Variants in DCBLD1 observed in about 807,000 individuals in gnomAD.
DCBLD1 encodes discoidin, CUB and LCCL domain containing 1, also known as discoidin, CUB and LCCL domain-containing protein 1.
In DCBLD1, 57 loss-of-function variants were observed where a neutral mutation model predicts 71.5. The ratio of observed to expected loss-of-function variants is 0.80; its 90% CI spans 0.64 to 0.99. The LOEUF is 0.99. Ranked by LOEUF, DCBLD1 falls within the 50% of genes least tolerant of loss-of-function variation. DCBLD1 has a pLI of 0.00. For synonymous variants in DCBLD1, 380 were observed against 363.8 expected (o/e 1.04, Z -0.51); for missense variants, 891 against 923.5 (o/e 0.96, Z 0.46).
intron 1 of DCBLD1, among the ~76,000 whole-genome samples, chr6:117,499,684 A>C (rs1187002961): frequency 6.6e-6 from 1 of 152,182 alleles, no homozygotes; most frequent in African/African-American, 2.4e-5. Context: ...ACCATATCAC[A>C]ACCAGGATAC....
chr6:117,537,959 TTTG>T (rs556402645), intron 7 of DCBLD1, among the ~76,000 whole-genome samples: 140 of 152,276 alleles, frequency 9.2e-4, no homozygotes, highest in African/African-American at 3.3e-3. Flanking sequence ...TTGCAATTGG[TTTG>T]TTATTATTTT....
intron 7 of DCBLD1, among the ~76,000 whole-genome samples, chr6:117,537,515 C>A (rs1408242796): frequency 1.4e-5 from 2 of 142,062 alleles, no homozygotes; most frequent in African/African-American, 2.6e-5. Context: ...GCCTGGGTAA[C>A]AGAGCGAGAC....
chr6:117,490,832 C>T (rs922062102), intron 1 of DCBLD1, among the ~76,000 whole-genome samples: 3 of 152,052 alleles, frequency 2.0e-5, no homozygotes, highest in African/African-American at 7.2e-5. Flanking sequence ...AATTAAAATC[C>T]TTGCAAACTA....
intron 6 of DCBLD1, among the ~76,000 whole-genome samples, chr6:117,536,441 C>A (rs1778883830): frequency 6.6e-6 from 1 of 152,170 alleles, no homozygotes; most frequent in Non-Finnish European, 1.5e-5. Context: ...ATTCCTGTGG[C>A]CTTAGGAATG....
intron 9 of DCBLD1, 200 bp downstream of exon 9, chr6:117,539,579 C>T (rs1779019671): frequency 6.5e-6 from 3 of 462,074 alleles, no homozygotes; most frequent in African/African-American, 2.1e-5. Context: ...TAGCAAGACC[C>T]CACCACTACA....
chr6:117,496,982 A>T (rs1427489118), intron 1 of DCBLD1, among the ~76,000 whole-genome samples: 4 of 152,234 alleles, frequency 2.6e-5, no homozygotes, highest in Non-Finnish European at 1.5e-5. Context: ...TAATTTTAAA[A>T]AAGCTTGAGG....
rs978039272 is a variant in DCBLD1, at chr6:117,488,136, A to C, written c.112+5243A>C. 2.0e-5 allele frequency among the ~76,000 whole-genome samples: 3 copies of C among 152,230 alleles called. No homozygotes were observed. In the South Asian group the frequency reaches 6.2e-4, roughly 32 times the overall value. On this transcript the variant is annotated intron_variant, in intron 1 of 14. Coordinates refer to ENST00000338728, the MANE Select transcript of DCBLD1 (RefSeq NM_001366458.2). Reference sequence around the variant, plus strand: ...AGGATTCCCTAAGATCCATGAAAGCAGAGATGAATCTCAGCCTCTTCTTTC... The same window carrying C: ...AGGATTCCCTAAGATCCATGAAAGCCGAGATGAATCTCAGCCTCTTCTTTC...
At chr6:117,514,361 T>G (rs1778121888) in intron 2 of DCBLD1, among the ~76,000 whole-genome samples, 1 of 152,114 alleles carries the variant, frequency 6.6e-6, no homozygotes, top group Non-Finnish European at 1.5e-5. Context: ...CCCAGCACTT[T>G]GAGGAGGCTG....
At chr6:117,547,266 C>T (rs1026947551) in intron 14 of DCBLD1, among the ~76,000 whole-genome samples, 1 of 152,200 alleles carries the variant, frequency 6.6e-6, no homozygotes, top group Non-Finnish European at 1.5e-5. Context: ...CGTTCGAATC[C>T]TACTCCATCG....
intron 2 of DCBLD1, among the ~76,000 whole-genome samples, chr6:117,514,591 C>CA (rs59209418): frequency 0.082 from 8,930 of 109,034 alleles, 402 homozygotes; most frequent in East Asian, 0.23. Flanking sequence ...GACCCTGTCT[C>CA]AAAAAAAAAA....
At chr6:117,533,589 A>G (rs1583017842) in intron 6 of DCBLD1, among the ~76,000 whole-genome samples, 1 of 152,286 alleles carries the variant, frequency 6.6e-6, no homozygotes, top group Middle Eastern at 3.4e-3. Context: ...ACAAGTTATA[A>G]CATTGCTTTT....
intron 2 of DCBLD1, among the ~76,000 whole-genome samples, chr6:117,516,373 AG>A (rs1364987363): frequency 6.6e-6 from 1 of 152,042 alleles, no homozygotes; most frequent in Admixed American, 6.6e-5. Context: ...AAAAAAAAAA[AG>A]AAAGTATTAA....
chr6:117,510,191 C>CT (rs1465694372), intron 2 of DCBLD1, among the ~76,000 whole-genome samples: 3 of 152,202 alleles, frequency 2.0e-5, no homozygotes, highest in Non-Finnish European at 4.4e-5. Context: ...AGCCTCATCT[C>CT]TGAGTCCTTC....
chr6:117,559,992 T>G (rs1779552260), intron 14 of DCBLD1, among the ~76,000 whole-genome samples: 1 of 152,224 alleles, frequency 6.6e-6, no homozygotes, highest in Non-Finnish European at 1.5e-5. Flanking sequence ...TGTTCATAAC[T>G]CAAGTAATTC....
intron 11 of DCBLD1, among the ~76,000 whole-genome samples, chr6:117,541,544 TC>T (rs35476728): frequency 0.43 from 65,483 of 152,060 alleles, 15,253 homozygotes; most frequent in South Asian, 0.62. Context: ...CACATTCCAT[TC>T]CATACTTTTG....
chr6:117,504,337 A>G (rs904693082), intron 2 of DCBLD1, among the ~76,000 whole-genome samples: 1 of 152,252 alleles, frequency 6.6e-6, no homozygotes, highest in African/African-American at 2.4e-5. Flanking sequence ...TCTGTCAGGA[A>G]CTGGGATGTA....
At chr6:117,485,537 C>G (rs1423746147) in intron 1 of DCBLD1, among the ~76,000 whole-genome samples, 4 of 152,170 alleles carry the variant, frequency 2.6e-5, no homozygotes, top group Non-Finnish European at 5.9e-5. Flanking sequence ...ACCTTCTGTA[C>G]CAGTGTGTGC....
Position 117,543,161 on chromosome 6 carries a change from C to T in DCBLD1, c.1395C>T (p.Leu465=), listed in dbSNP as rs1157264450. Residue 465 remains leucine (L), a synonymous_variant, in exon 12 of 15, where the codon CTC becomes CTT. Transcript: ENST00000338728. ...NITTVAIPLV[L]LVVLVFAGMG... ...CAACGGTGGCTATTCCATTGGTGCTCCTTGTTGTCCTGGTGTTTGCTGGAA... is the reference window on the plus strand; with the variant it reads ...CAACGGTGGCTATTCCATTGGTGCTTCTTGTTGTCCTGGTGTTTGCTGGAA... 6 of 1,614,074 alleles carry T rather than the reference C, an allele frequency of 3.7e-6. No individual in the cohort carries two copies. The highest frequency in any genetic ancestry group is 1.7e-5 in the Admixed American group (1 of 60,014).
At position 117,521,737 on chromosome 6, in the gene DCBLD1, G is replaced by C. The variant is rs9689349; in HGVS notation, c.512+161G>C. Reference sequence around the variant, plus strand: ...TAGTTTGTTATATAGCAGGAAGTCAGCAAACCTTTTCTGTCAAGGGGTAGA... The same window carrying C: ...TAGTTTGTTATATAGCAGGAAGTCACCAAACCTTTTCTGTCAAGGGGTAGA... On this transcript the variant is annotated intron_variant, in intron 4 of 14. Coordinates refer to ENST00000338728, the MANE Select transcript of DCBLD1 (RefSeq NM_001366458.2). 2.0e-3 allele frequency among the ~76,000 whole-genome samples: 306 copies of C among 152,188 alleles called. 1 individual carries two copies. The highest frequency in any genetic ancestry group is 7.2e-3 in the African/African-American group (298 of 41,478).
Sources: gnomAD v4.1 joint callset for allele counts (sites outside exome capture counted in the v4.1 genomes callset) on GRCh38, gnomAD v4.1.1 for gene constraint, MANE v1.5 for transcripts, NCBI Gene and HGNC (gene_info 2026-07-23, HGNC 2026-07-21) for gene names.